Variants in KCTD7 observed in about 807,000 individuals in gnomAD.
KCTD7 encodes potassium channel tetramerization domain containing 7, also known as BTB/POZ domain-containing protein KCTD7.
Under a neutral mutation model 27.0 loss-of-function variants are expected in KCTD7, and 15 were observed. The observed-to-expected ratio is 0.56, with a 90% CI of 0.37 to 0.86. KCTD7 has a LOEUF of 0.86. Among genes scored for constraint, KCTD7 ranks in the 40% least tolerant of loss-of-function variants. The pLI, the probability that KCTD7 is intolerant of heterozygous loss-of-function variation, is 0.00. For synonymous variants in KCTD7, 159 were observed against 162.7 expected (o/e 0.98, Z 0.17); for missense variants, 299 against 398.9 (o/e 0.75, Z 2.13).
At chr7:66,634,192 T>TTCTTTCTATCTA (rs763643329) in intron 2 of KCTD7, among the ~76,000 whole-genome samples, 12 of 139,960 alleles carry the variant, frequency 8.6e-5, no homozygotes, top group African/African-American at 2.8e-4. Flanking sequence ...ATGTGTGTGA[T>TTCTTTCTATCTA]TCTATCTATC....
At chr7:66,638,563 C>T (rs1158162290) in intron 3 of KCTD7, 132 bp downstream of exon 3, 1 of 1,045,860 alleles carries the variant, frequency 9.6e-7, no homozygotes, top group East Asian at 2.6e-5. Context: ...GGAGTGTCAT[C>T]CCTTCCCAGT....
intron 2 of KCTD7, among the ~76,000 whole-genome samples, chr7:66,636,258 C>G (rs891442043): frequency 6.6e-6 from 1 of 151,878 alleles, no homozygotes; most frequent in Non-Finnish European, 1.5e-5. Flanking sequence ...TTGCTGCACT[C>G]TGGTCTAAAT....
Position 66,639,219 on chromosome 7 carries a change from T to G in KCTD7, c.857T>G (p.Ile286Ser). Reference protein sequence around the residue: ...YCKRPIYEFKITWW With the variant: ...YCKRPIYEFKSTWW ...AAGCGCCCCATCTATGAGTTCAAGATCACATGGTGGTGAGTAGCCCCGGTA... is the reference window on the plus strand; with the variant it reads ...AAGCGCCCCATCTATGAGTTCAAGAGCACATGGTGGTGAGTAGCCCCGGTA... Residue 286 changes from isoleucine to serine, a missense_variant, in exon 4 of 4, where the codon ATC becomes AGC. Physicochemically the swap from Ile to Ser is moderately radical, Grantham distance 142. Coordinates refer to ENST00000639828, the MANE Select transcript of KCTD7 (RefSeq NM_153033.5). The G allele has an allele frequency of 6.2e-7, 1 of 1,612,506 alleles. No homozygotes were observed. Among genetic ancestry groups the G allele is most frequent in the Non-Finnish European group, 8.5e-7 (1 of 1,180,024 alleles).
At position 66,641,762 on chromosome 7, in the gene KCTD7, G is replaced by A. The variant is rs188529052; in HGVS notation, c.*2530G>A. 1.9e-5 allele frequency: 19 copies of A among 985,396 alleles called. No individual in the cohort carries two copies. Among genetic ancestry groups the A allele is most frequent in the Non-Finnish European group, 2.3e-5 (19 of 829,928 alleles). The allele number at this position is 985,396 out of a possible 1,614,324, so 61.0% of individuals were successfully genotyped here. A position where few individuals can be genotyped will look rare whatever the true frequency, so the allele number is the denominator to read the frequency against. ...CGCCATTCTCTAATGAGAAACCAAG[G>A]CCAGGCTGAAAAGTGCAATTAGATG... On this transcript the variant is annotated 3_prime_UTR_variant, in exon 4 of 4. Coordinates refer to ENST00000639828, the MANE Select transcript of KCTD7 (RefSeq NM_153033.5).
chr7:66,638,692 C>T (rs1786641796), intron 3 of KCTD7, 164 bp from the exon 4 acceptor site: 1 of 883,238 alleles, frequency 1.1e-6, no homozygotes, highest in Non-Finnish European at 1.7e-6. Context: ...AACCGTGACC[C>T]TTGTTTAAGT....
At position 66,642,592 on chromosome 7, in the gene KCTD7, G is replaced by A. The variant is rs1562651656; in HGVS notation, c.*3360G>A. 8.1e-6 allele frequency: 8 copies of A among 985,258 alleles called. No homozygotes were observed. Among genetic ancestry groups the A allele is most frequent in the Non-Finnish European group, 9.6e-6 (8 of 829,916 alleles). 61.0% of individuals were successfully genotyped at this position (985,258 alleles called of 1,614,324 possible). A position where few individuals can be genotyped will look rare whatever the true frequency, so the allele number is the denominator to read the frequency against. Reference sequence around the variant, plus strand: ...TGATCCTAGTAATATTTCAAATATTGTCCTTCTGCATATGTTCTATCCATA... The same window carrying A: ...TGATCCTAGTAATATTTCAAATATTATCCTTCTGCATATGTTCTATCCATA... On this transcript the variant is annotated 3_prime_UTR_variant, in exon 4 of 4. Coordinates refer to ENST00000639828, the MANE Select transcript of KCTD7 (RefSeq NM_153033.5).
rs368295714 is a variant in KCTD7, at chr7:66,639,921, C to A, written c.*689C>A. 4.0e-6 allele frequency: 5 copies of A among 1,245,956 alleles called. No homozygotes were observed. In the African/African-American group the frequency reaches 6.2e-5, roughly 15 times the overall value. The allele number at this position is 1,245,956 out of a possible 1,614,324, so 77.2% of individuals were successfully genotyped here. Reference sequence around the variant, plus strand: ...AATGTTTACAGCCCTGTCTTAGGGCCGCGGCTTCTCTTATCTTCCACCACC... The same window carrying A: ...AATGTTTACAGCCCTGTCTTAGGGCAGCGGCTTCTCTTATCTTCCACCACC... On this transcript the variant is annotated 3_prime_UTR_variant, in exon 4 of 4. Transcript: ENST00000639828.
chr7:66,633,014 C>T lies in KCTD7; in HGVS notation c.145-261C>T, dbSNP rs539944910. The stretch of plus-strand genomic sequence containing the variant: ...CGGAGCTTGCAGTGAGCCAACATCA[C>T]GCCACTGCACTCCAGCCTGGGAGAT... On this transcript the variant is annotated intron_variant, in intron 1 of 3. Coordinates refer to ENST00000639828, the MANE Select transcript of KCTD7 (RefSeq NM_153033.5). Among the ~76,000 whole-genome samples the T allele has an allele frequency of 1.3e-4, 20 of 151,764 alleles. No individual in the cohort carries two copies. In the East Asian group the frequency reaches 2.3e-3, roughly 18 times the overall value.
In KCTD7 at chr7:66,641,087, G is replaced by T. The variant is rs1016092249; in HGVS notation, c.*1855G>T. On this transcript the variant is annotated 3_prime_UTR_variant, in exon 4 of 4. Transcript: ENST00000639828. ...GTACTCTTTTAGAGGTGGAAAAGAGGTGGATACTGAGATCTAAGAGGAAAG... is the reference window on the plus strand; with the variant it reads ...GTACTCTTTTAGAGGTGGAAAAGAGTTGGATACTGAGATCTAAGAGGAAAG... The T allele has an allele frequency of 1.0e-6, 1 of 985,258 alleles. No individual in the cohort carries two copies. The highest frequency in any genetic ancestry group is 1.7e-5 in the African/African-American group (1 of 57,210). The allele number at this position is 985,258 out of a possible 1,614,324, so 61.0% of individuals were successfully genotyped here.
At position 66,640,701 on chromosome 7, in the gene KCTD7, AC is replaced by A; in HGVS notation, c.*1470del. 1 of 1,216,282 alleles carries A rather than the reference AC, an allele frequency of 8.2e-7. No individual in the cohort carries two copies. Among genetic ancestry groups the A allele is most frequent in the Non-Finnish European group, 1.0e-6 (1 of 974,242 alleles). The allele number at this position is 1,216,282 out of a possible 1,614,324, so 75.3% of individuals were successfully genotyped here. On this transcript the variant is annotated 3_prime_UTR_variant, in exon 4 of 4. Transcript: ENST00000639828. ...CCTGTAGTCCAGGCCACTCGAGCAC[AC>A]ACCTGTAGTACCAGCTACTCTGGAG... is the stretch of plus-strand genomic sequence containing the variant.
downstream of KCTD7, chr7:66,643,078 T>C (rs1786756575): frequency 2.0e-6 from 2 of 985,466 alleles, no homozygotes; most frequent in Non-Finnish European, 2.4e-6. Flanking sequence ...TTTTTAGAGA[T>C]GTGCTCTCAT....
Position 66,640,015 on chromosome 7 carries a change from C to T in KCTD7, c.*783C>T. On this transcript the variant is annotated 3_prime_UTR_variant, in exon 4 of 4. Coordinates refer to ENST00000639828, the MANE Select transcript of KCTD7 (RefSeq NM_153033.5). ...ATTTCAGAGGCTTCTTTTGAAGATT[C>T]CCCAAGTCAAGCAGGCAAGATGCCT... The T allele has an allele frequency of 8.0e-7, 1 of 1,256,478 alleles. No homozygotes were observed. Among genetic ancestry groups the T allele is most frequent in the Non-Finnish European group, 1.0e-6 (1 of 1,003,802 alleles). The allele number at this position is 1,256,478 out of a possible 1,614,324, so 77.8% of individuals were successfully genotyped here. A position where few individuals can be genotyped will look rare whatever the true frequency, so the allele number is the denominator to read the frequency against.
chr7:66,638,927 A>G lies in KCTD7; in HGVS notation c.565A>G (p.Lys189Glu). 1 of 1,614,036 alleles carries G rather than the reference A, an allele frequency of 6.2e-7. No homozygotes were observed. Among genetic ancestry groups the G allele is most frequent in the Non-Finnish European group, 8.5e-7 (1 of 1,179,942 alleles). The change falls in exon 4 of 4, where the codon AAG becomes GAG. Residue 189 changes from lysine to glutamate, a missense_variant. Physicochemically the swap from Lys to Glu is moderately conservative, Grantham distance 56. Transcript: ENST00000639828. Reference sequence around the variant, plus strand: ...GCGGAAGGCCCGCTTTGCCAAGCTCAAGGTCTGTGTCTTCAAGGAGGAGAT... The same window carrying G: ...GCGGAAGGCCCGCTTTGCCAAGCTCGAGGTCTGTGTCTTCAAGGAGGAGAT... Reference protein sequence around the residue: ...VQRKARFAKLKVCVFKEEMPI... With the variant: ...VQRKARFAKLEVCVFKEEMPI...
At chr7:66,630,493 A>G (rs1786420378) in intron 1 of KCTD7, among the ~76,000 whole-genome samples, 1 of 152,158 alleles carries the variant, frequency 6.6e-6, no homozygotes. Flanking sequence ...GGAGGCAGGG[A>G]CTAAGGTAGT....
In KCTD7 at chr7:66,641,183, T is replaced by C; in HGVS notation, c.*1951T>C. On this transcript the variant is annotated 3_prime_UTR_variant, in exon 4 of 4. Transcript: ENST00000639828. ...GTACACAAAGGGATAGTCTCTTTTC[T>C]GGAGCTGATGTCCCTGCTTGGAGGT... 1 of 985,414 alleles carries C rather than the reference T, an allele frequency of 1.0e-6. No homozygotes were observed. Among genetic ancestry groups the C allele is most frequent in the African/African-American group, 1.7e-5 (1 of 57,368 alleles). The allele number at this position is 985,414 out of a possible 1,614,324, so 61.0% of individuals were successfully genotyped here.
rs548528874 is a variant in KCTD7, at chr7:66,639,806, C to T, written c.*574C>T. On this transcript the variant is annotated 3_prime_UTR_variant, in exon 4 of 4. Transcript: ENST00000639828. The stretch of plus-strand genomic sequence containing the variant: ...ATTCCCAAAATGTGGAAAGACTTTT[C>T]TTTTCCTTCCGGAACATGTTCTTCA... 2.8e-4 allele frequency: 356 copies of T among 1,249,608 alleles called. No individual in the cohort carries two copies. Among genetic ancestry groups the T allele is most frequent in the Non-Finnish European group, 3.5e-4 (346 of 998,204 alleles). 77.4% of individuals were successfully genotyped at this position (1,249,608 alleles called of 1,614,324 possible).
intron 2 of KCTD7, among the ~76,000 whole-genome samples, chr7:66,637,286 G>A (rs376780492): frequency 7.9e-5 from 12 of 152,170 alleles, no homozygotes; most frequent in East Asian, 5.8e-4. Context: ...GAGTTTCACC[G>A]TTTTGGCCAG....
At chr7:66,638,470 G>C in intron 3 of KCTD7, 39 bp downstream of exon 3, 1 of 1,606,922 alleles carries the variant, frequency 6.2e-7, no homozygotes, top group Non-Finnish European at 8.5e-7. Context: ...TATGTGGGAG[G>C]AGGTCTGCAA....
rs1786567842 is a variant in KCTD7 at position 66,635,567 on chromosome 7, T to C, written c.314+2123T>C. Among the ~76,000 whole-genome samples, 3 of 150,010 alleles carry C rather than the reference T, an allele frequency of 2.0e-5. No individual in the cohort carries two copies. The South Asian group carries it at 6.4e-4, about 32-fold the overall frequency. The stretch of plus-strand genomic sequence containing the variant: ...AGCTCCTTCAGTCTGACATTGGAGA[T>C]GACTAGAGACCTTGAACCAAGTGCC... On this transcript the variant is annotated intron_variant, in intron 2 of 3. Coordinates refer to ENST00000639828, the MANE Select transcript of KCTD7 (RefSeq NM_153033.5).
Sources: allele counts gnomAD v4.1 joint callset (sites outside exome capture counted in the v4.1 genomes callset), GRCh38; gene constraint gnomAD v4.1.1; transcripts MANE v1.5; gene names NCBI Gene and HGNC (gene_info 2026-07-23, HGNC 2026-07-21).